Variants in ZNF135 observed in about 807,000 individuals in gnomAD.
ZNF135 encodes the protein zinc finger protein 135 (clone pHZ-17).
ZNF135 carries 11 observed loss-of-function variants against 12.3 expected under a neutral mutation model. The observed-to-expected ratio is 0.89, with a 90% CI of 0.56 to 1.48. The LOEUF (loss-of-function observed/expected upper bound fraction) is 1.48. Ranked by LOEUF, ZNF135 falls within the 40% of genes most tolerant of loss-of-function variation. ZNF135 has a pLI of 0.00. For synonymous variants in ZNF135, 316 were observed against 312.0 expected (o/e 1.01, Z -0.14); for missense variants, 722 against 815.7 (o/e 0.89, Z 1.40).
rs924863726 is a variant in ZNF135 at position 58,059,424 on chromosome 19, C to T, written c.-35+114C>T. On this transcript the variant is annotated intron_variant, in intron 1 of 4. Transcript: ENST00000313434. The surrounding 1 kb of genome is among the most constrained non-coding windows in gnomAD (Gnocchi z 6.5). The stretch of plus-strand genomic sequence containing the variant: ...CTGGCGGGGCGAGTTTCCAGCAGCG[C>T]GCGTCTGTGTGGAGTCCGTTTTGCT... The T allele has an allele frequency of 3.2e-5, 32 of 1,004,302 alleles. No individual in the cohort carries two copies. The highest frequency in any genetic ancestry group is 4.3e-5 in the Non-Finnish European group (32 of 739,686). The allele number at this position is 1,004,302 out of a possible 1,614,324, so 62.2% of individuals were successfully genotyped here. A position where few individuals can be genotyped will look rare whatever the true frequency, so the allele number is the denominator to read the frequency against.
rs1171198338 is a variant in ZNF135 at position 58,069,162 on chromosome 19, C to T, written c.*701C>T. 1 of 152,054 alleles carries T rather than the reference C, an allele frequency of 6.6e-6. No homozygotes were observed. The highest frequency in any genetic ancestry group is 6.6e-5 in the Admixed American group (1 of 15,258). 9.4% of individuals were successfully genotyped at this position (152,054 alleles called of 1,614,324 possible). A position where few individuals can be genotyped will look rare whatever the true frequency, so the allele number is the denominator to read the frequency against. On this transcript the variant is annotated 3_prime_UTR_variant, in exon 5 of 5. Transcript: ENST00000313434. ...TACTATAAACAGGTTTTTAGTTATC[C>T]CTGCATTATTTTTGCAATTAATCTT...
In ZNF135 at chr19:58,059,937, T is replaced by C. The variant is rs2073939577; in HGVS notation, c.-34-32T>C. ...TGGGGACCTGAGCACCGCCTCTGCCTGCCCCAGCTGCTCACCTCCCCTTTC... is the reference window on the plus strand; with the variant it reads ...TGGGGACCTGAGCACCGCCTCTGCCCGCCCCAGCTGCTCACCTCCCCTTTC... On this transcript the variant is annotated intron_variant, in intron 1 of 4. Coordinates refer to ENST00000313434, the MANE Select transcript of ZNF135 (RefSeq NM_001289401.2). The surrounding 1 kb of genome is among the most constrained non-coding windows in gnomAD (Gnocchi z 6.5). 6.2e-7 allele frequency: 1 copy of C among 1,609,818 alleles called. No individual in the cohort carries two copies. Among genetic ancestry groups the C allele is most frequent in the African/African-American group, 1.3e-5 (1 of 74,990 alleles).
intron 3 of ZNF135, among the ~76,000 whole-genome samples, chr19:58,061,995 G>C (rs2073990000): frequency 2.0e-5 from 3 of 152,336 alleles, no homozygotes; most frequent in African/African-American, 7.2e-5. Context: ...CTGTAGAGCT[G>C]TTAGGAGCCC....
rs1313222836 is a variant in ZNF135, at chr19:58,060,023, C to T, written c.21C>T (p.Val7=). Residue 7 remains valine, a synonymous_variant, in exon 2 of 5, where the codon GTC becomes GTT. Coordinates refer to ENST00000313434, the MANE Select transcript of ZNF135 (RefSeq NM_001289401.2). This position sits in a 1 kb window ranked among gnomAD's most constrained non-coding sequence, Gnocchi z 4.9. The part of the protein sequence containing the change: MTPGVR[V]STDPEQVTFE... ...AGGGCATGACCCCTGGGGTGCGCGTCTCCACAGACCCGGTGAGAATCTCGG... is the reference window on the plus strand; with the variant it reads ...AGGGCATGACCCCTGGGGTGCGCGTTTCCACAGACCCGGTGAGAATCTCGG... 3.7e-6 allele frequency: 6 copies of T among 1,613,450 alleles called. No individual in the cohort carries two copies. The highest frequency in any genetic ancestry group is 4.2e-6 in the Non-Finnish European group (5 of 1,179,882).
rs1318919764 is a variant in ZNF135, at chr19:58,069,465, C to A, written c.*1004C>A. 6.6e-6 allele frequency: 1 copy of A among 152,226 alleles called. No individual in the cohort carries two copies. The highest frequency in any genetic ancestry group is 1.5e-5 in the Non-Finnish European group (1 of 68,042). 9.4% of individuals were successfully genotyped at this position (152,226 alleles called of 1,614,324 possible). A position where few individuals can be genotyped will look rare whatever the true frequency, so the allele number is the denominator to read the frequency against. ...ATATGTTCAAGTTAATCCTCTCAAA[C>A]TGCTTTTTCATTGTTTTCATACAAT... On this transcript the variant is annotated 3_prime_UTR_variant, in exon 5 of 5. Coordinates refer to ENST00000313434, the MANE Select transcript of ZNF135 (RefSeq NM_001289401.2).
In ZNF135 at chr19:58,065,374, T is replaced by G. The variant is rs1388212797; in HGVS notation, c.257-1367T>G. ...ATGCCCAGCTAATTTTTTTTTATTT[T>G]TTGTAGAAACAAGGTCTCATCATTT... On this transcript the variant is annotated intron_variant, in intron 4 of 4. Coordinates refer to ENST00000313434, the MANE Select transcript of ZNF135 (RefSeq NM_001289401.2). This position sits in a 1 kb window ranked among gnomAD's most constrained non-coding sequence, Gnocchi z 4.0. Among the ~76,000 whole-genome samples, 1 of 152,140 alleles carries G rather than the reference T, an allele frequency of 6.6e-6. No homozygotes were observed. The highest frequency in any genetic ancestry group is 1.5e-5 in the Non-Finnish European group (1 of 68,028).
In ZNF135 at chr19:58,067,812, G is replaced by A. The variant is rs763586466; in HGVS notation, c.1328G>A (p.Cys443Tyr). Residue 443 changes from cysteine (C) to tyrosine (Y), a missense_variant, in exon 5 of 5, where the codon TGT becomes TAT. Cys to Tyr is a radical substitution (Grantham distance 194). Coordinates refer to ENST00000313434, the MANE Select transcript of ZNF135 (RefSeq NM_001289401.2). Reference sequence around the variant, plus strand: ...GAGAAGCCCTATGGATGCAACGAGTGTGGGAAAACCTTCAGCCACAGCTCC... The same window carrying A: ...GAGAAGCCCTATGGATGCAACGAGTATGGGAAAACCTTCAGCCACAGCTCC... ...TGEKPYGCNE[C>Y]GKTFSHSSSL... is the part of the protein sequence containing the mutation. The A allele has an allele frequency of 2.0e-5, 32 of 1,613,832 alleles. No homozygotes were observed. The highest frequency in any genetic ancestry group is 1.6e-4 in the Middle Eastern group (1 of 6,084).
chr19:58,067,858 GAC>G lies in ZNF135; in HGVS notation c.1382_1383del (p.Thr461ArgfsTer6), dbSNP rs2074102523. ...GCTCCTCACTCAGCCAGCATGAGCGGACACACACAGGAGAGAAGCCCTATGAG... is the reference window on the plus strand; with the variant it reads ...GCTCCTCACTCAGCCAGCATGAGCGGACACACAGGAGAGAAGCCCTATGAG... ...HSSSLSQHER[T>X]HTGEKPYECS... is the part of the protein sequence containing the mutation. On this transcript the variant is annotated frameshift_variant, in exon 5 of 5. Coordinates refer to ENST00000313434, the MANE Select transcript of ZNF135 (RefSeq NM_001289401.2). LOFTEE classifies it low-confidence loss of function (END_TRUNC). The G allele has an allele frequency of 6.2e-7, 1 of 1,604,964 alleles. No individual in the cohort carries two copies. The highest frequency in any genetic ancestry group is 8.5e-7 in the Non-Finnish European group (1 of 1,176,534).
Position 58,059,391 on chromosome 19 carries a change from C to A in ZNF135, c.-35+81C>A. The A allele has an allele frequency of 1.2e-6, 1 of 863,612 alleles. No individual in the cohort carries two copies. 53.5% of individuals were successfully genotyped at this position (863,612 alleles called of 1,614,324 possible). A position where few individuals can be genotyped will look rare whatever the true frequency, so the allele number is the denominator to read the frequency against. Reference sequence around the variant, plus strand: ...GGGTGCGGGGGGTCCGGGGATCTTCCTGAGGCCCTGGCGGGGCGAGTTTCC... The same window carrying A: ...GGGTGCGGGGGGTCCGGGGATCTTCATGAGGCCCTGGCGGGGCGAGTTTCC... On this transcript the variant is annotated intron_variant, in intron 1 of 4. Transcript: ENST00000313434. This position sits in a 1 kb window ranked among gnomAD's most constrained non-coding sequence, Gnocchi z 6.5.
At position 58,060,049 on chromosome 19, in the gene ZNF135, C is replaced by T; in HGVS notation, c.33+14C>T. 1 of 1,613,106 alleles carries T rather than the reference C, an allele frequency of 6.2e-7. No individual in the cohort carries two copies. Among genetic ancestry groups the T allele is most frequent in the East Asian group, 2.2e-5 (1 of 44,878 alleles). On this transcript the variant is annotated intron_variant, in intron 2 of 4. Coordinates refer to ENST00000313434, the MANE Select transcript of ZNF135 (RefSeq NM_001289401.2). The surrounding 1 kb of genome is among the most constrained non-coding windows in gnomAD (Gnocchi z 4.9). ...TCCACAGACCCGGTGAGAATCTCGG[C>T]CTCCTTGCGCGTGTCCTCCACCTCG...
chr19:58,067,356 C>A lies in ZNF135; in HGVS notation c.872C>A (p.Thr291Asn), dbSNP rs770722047. 4.3e-6 allele frequency: 7 copies of A among 1,614,016 alleles called. No individual in the cohort carries two copies. The African/African-American group carries it at 8.0e-5, about 18-fold the overall frequency. The change falls in exon 5 of 5, where the codon ACT becomes AAT. Residue 291 changes from threonine to asparagine, a missense_variant. By Grantham distance (65) the Thr-to-Asn change is moderately conservative (BLOSUM62 0). Transcript: ENST00000313434. ...QIAPLIQHQRTHTGEKPYECS... is the reference protein window; with the variant it reads ...QIAPLIQHQRNHTGEKPYECS... The stretch of plus-strand genomic sequence containing the variant: ...GCCCCACTGATCCAGCACCAGAGAA[C>A]TCACACAGGTGAGAAGCCCTATGAA...
rs201468856 is a variant in ZNF135, at chr19:58,061,695, T to C, written c.149T>C (p.Leu50Pro). The C allele has an allele frequency of 1.6e-4, 257 of 1,612,720 alleles. No individual in the cohort carries two copies. Among genetic ancestry groups the C allele is most frequent in the Non-Finnish European group, 2.1e-4 (249 of 1,179,512 alleles). Reference sequence around the variant, plus strand: ...GTAATGCTGGACACCTTCAGGCTTCTGGTCTCTGTGGGTAAGGCCACACCC... The same window carrying C: ...GTAATGCTGGACACCTTCAGGCTTCCGGTCTCTGTGGGTAAGGCCACACCC... ...RDVMLDTFRLLVSVGHWLPKP... is the reference protein window; with the variant it reads ...RDVMLDTFRLPVSVGHWLPKP... The change falls in exon 3 of 5, where the codon CTG becomes CCG. Residue 50 changes from leucine (L) to proline (P), a missense_variant. By Grantham distance (98) the Leu-to-Pro change is moderately conservative. Coordinates refer to ENST00000313434, the MANE Select transcript of ZNF135 (RefSeq NM_001289401.2).
intron 2 of ZNF135, 108 bp from the exon 3 acceptor site, chr19:58,061,472 G>T: frequency 6.9e-7 from 1 of 1,439,916 alleles, no homozygotes. Context: ...CAAAACCCCA[G>T]ACCAAAGGGA....
chr19:58,068,014 C>G lies in ZNF135; in HGVS notation c.1530C>G (p.Thr510=). The part of the protein sequence containing the change: ...GKAFSHSSSL[T]KHQRIHTGEK... ...CATTCAGTCACAGCTCGTCCCTCAC[C>G]AAACATCAGCGAATCCACACTGGGG... The change falls in exon 5 of 5, where the codon ACC becomes ACG. Residue 510 remains threonine (T), a synonymous_variant. Transcript: ENST00000313434. The G allele has an allele frequency of 6.2e-7, 1 of 1,614,002 alleles. No homozygotes were observed. The highest frequency in any genetic ancestry group is 8.5e-7 in the Non-Finnish European group (1 of 1,180,008).
At position 58,060,344 on chromosome 19, in the gene ZNF135, C is replaced by T; in HGVS notation, c.33+309C>T. On this transcript the variant is annotated intron_variant, in intron 2 of 4. Coordinates refer to ENST00000313434, the MANE Select transcript of ZNF135 (RefSeq NM_001289401.2). This position sits in a 1 kb window ranked among gnomAD's most constrained non-coding sequence, Gnocchi z 4.9. ...CACACCCGGCCTCCTAAAGTCCGCG[C>T]CAAGCTCCCCAACCACAGCCTGCCT... 1 of 1,308,242 alleles carries T rather than the reference C, an allele frequency of 7.6e-7. No homozygotes were observed. 81.0% of individuals were successfully genotyped at this position (1,308,242 alleles called of 1,614,324 possible). A position where few individuals can be genotyped will look rare whatever the true frequency, so the allele number is the denominator to read the frequency against.
At chr19:58,059,264 G>C (rs868426067), upstream of ZNF135, 2 of 1,580,574 alleles carry the variant, frequency 1.3e-6, no homozygotes, top group East Asian at 2.4e-5. This position sits in a 1 kb window ranked among gnomAD's most constrained non-coding sequence, Gnocchi z 6.5. Context: ...TCGCGCCGGC[G>C]CAGTGTCGGC....
In ZNF135 at chr19:58,067,142, G is replaced by A. The variant is rs374589646; in HGVS notation, c.658G>A (p.Gly220Arg). 40 of 1,614,052 alleles carry A rather than the reference G, an allele frequency of 2.5e-5. No individual in the cohort carries two copies. Among genetic ancestry groups the A allele is most frequent in the Admixed American group, 3.3e-5 (2 of 60,004 alleles). ...GAAACCCTACAAATGTCAGGAATGC[G>A]GAAAGGCCTTTAGTCACAGCTCAGC... ...KEKPYKCQEC[G>R]KAFSHSSALI... The change falls in exon 5 of 5, where the codon GGA (glycine) becomes AGA (arginine). Residue 220 changes from glycine (G) to arginine (R), a missense_variant. Gly to Arg is a moderately radical substitution (Grantham distance 125). Coordinates refer to ENST00000313434, the MANE Select transcript of ZNF135 (RefSeq NM_001289401.2).
Position 58,060,138 on chromosome 19 carries a change from C to T in ZNF135, c.33+103C>T, listed in dbSNP as rs2073946433. ...CTCCTCTTTGCACCCCGTCCCTACT[C>T]GCGCTCAGCCTCCTCCTTGTGCCCG... is the stretch of plus-strand genomic sequence containing the variant. On this transcript the variant is annotated intron_variant, in intron 2 of 4. Coordinates refer to ENST00000313434, the MANE Select transcript of ZNF135 (RefSeq NM_001289401.2). This position sits in a 1 kb window ranked among gnomAD's most constrained non-coding sequence, Gnocchi z 4.9. 1 of 1,584,658 alleles carries T rather than the reference C, an allele frequency of 6.3e-7. No homozygotes were observed. The highest frequency in any genetic ancestry group is 1.3e-5 in the African/African-American group (1 of 74,278).
chr19:58,067,053 G>A lies in ZNF135; in HGVS notation c.569G>A (p.Trp190Ter). Residue 190 changes from tryptophan (W) to a stop codon, truncating the protein, a stop_gained, in exon 5 of 5, where the codon TGG becomes TAG. Transcript: ENST00000313434. LOFTEE classifies it low-confidence loss of function (END_TRUNC). ...CCTGAAAGACAAAGCCCCCACACAT[G>A]GGGAACACGTGGAAAAAGGGAGAAG... ...MTPERQSPHTWGTRGKREKPD... is the reference protein window; with the variant it reads ...MTPERQSPHT 6.2e-7 allele frequency: 1 copy of A among 1,614,148 alleles called. No individual in the cohort carries two copies. The highest frequency in any genetic ancestry group is 1.1e-5 in the South Asian group (1 of 91,080).
Sources: allele counts gnomAD v4.1 joint callset (sites outside exome capture counted in the v4.1 genomes callset), GRCh38; gene constraint gnomAD v4.1.1; non-coding constraint Gnocchi (gnomAD v3.1); transcripts MANE v1.5; gene names NCBI Gene and HGNC (gene_info 2026-07-23, HGNC 2026-07-21).